SHISAL2A: variants seen among roughly 807,000 people sequenced by gnomAD.
The protein encoded by SHISAL2A is shisa like 2A.
A neutral mutation model predicts 11.5 loss-of-function variants in SHISAL2A; 18 were observed. The ratio of observed to expected loss-of-function variants is 1.57; its 90% confidence interval spans 1.08 to 2.33. SHISAL2A has a LOEUF of 2.33. Ranked by LOEUF, SHISAL2A falls within the 30% of genes most tolerant of loss-of-function variation. The probability of loss-of-function intolerance (pLI) is 0.00; values close to 1 mark genes in which losing one functional copy is unlikely to be tolerated. For missense variants in SHISAL2A, 261 were observed against 250.9 expected (o/e 1.04, Z -0.27); for synonymous variants, 94 against 99.6 (o/e 0.94, Z 0.34).
chr1:52,652,079 T>G (rs556320467), intron 2 of SHISAL2A, among the ~76,000 whole-genome samples: 23 of 152,184 alleles, frequency 1.5e-4, no homozygotes, highest in South Asian at 2.1e-4. Flanking sequence ...TGAGATGGAC[T>G]TTGACCAATC....
intron 1 of SHISAL2A, among the ~76,000 whole-genome samples, chr1:52,638,523 G>A (rs1691288145): frequency 6.6e-6 from 1 of 152,228 alleles, no homozygotes; most frequent in South Asian, 2.1e-4. Flanking sequence ...GTAATCCAGT[G>A]TCTAAGCTTG....
chr1:52,649,185 G>A (rs1362100810), intron 2 of SHISAL2A, among the ~76,000 whole-genome samples: 2 of 152,072 alleles, frequency 1.3e-5, no homozygotes, highest in Non-Finnish European at 2.9e-5. Context: ...ATGGTTACAG[G>A]CCCACTCTCT....
downstream of SHISAL2A, among the ~76,000 whole-genome samples, chr1:52,661,745 A>T (rs1405419888): frequency 3.9e-5 from 6 of 152,104 alleles, no homozygotes; most frequent in Non-Finnish European, 7.4e-5. Flanking sequence ...CTTAGAATAG[A>T]ATACGGCCGG....
chr1:52,642,772 G>A, intron 1 of SHISAL2A, 91 bp from the exon 2 acceptor site: 1 of 1,295,860 alleles, frequency 7.7e-7, no homozygotes. Flanking sequence ...TTCCCAGCAG[G>A]CTCATTCTAG....
At position 52,662,750 on chromosome 1, in the gene SHISAL2A, C is replaced by T. The variant is rs564343868; in HGVS notation, n.695+3170C>T. ...CAGCCATAGTCCGCTAACCAACAGA[C>T]TATCTTTTGTGTGCCAGGTCTTGTC... On this transcript the variant is annotated intron_variant and non_coding_transcript_variant, in intron 4 of 5. Coordinates refer to the SHISAL2A transcript ENST00000401050. 3.3e-5 allele frequency among the ~76,000 whole-genome samples: 5 copies of T among 152,226 alleles called. No individual in the cohort carries two copies. The South Asian group carries it at 1.0e-3, about 32-fold the overall frequency.
intron 4 of SHISAL2A, among the ~76,000 whole-genome samples, chr1:52,662,159 AG>A (rs1259262140): frequency 4.6e-5 from 7 of 152,172 alleles, no homozygotes; most frequent in African/African-American, 1.7e-4. Context: ...ACAAATGCCA[AG>A]ATGTGGGGTA....
intron 1 of SHISAL2A, among the ~76,000 whole-genome samples, chr1:52,635,208 T>A (rs546662): frequency 0.15 from 23,258 of 152,210 alleles, 1,891 homozygotes; most frequent in African/African-American, 0.19. Flanking sequence ...TACAATGGTA[T>A]TCACTTGACA....
intron 2 of SHISAL2A, among the ~76,000 whole-genome samples, chr1:52,650,285 G>A (rs1172271338): frequency 6.6e-6 from 1 of 152,210 alleles, no homozygotes; most frequent in Non-Finnish European, 1.5e-5. Context: ...CCATGTTCAG[G>A]GTTGAGAACC....
rs758716484 is a variant in SHISAL2A, at chr1:52,656,999, G to A, written c.532G>A (p.Ala178Thr). The change falls in exon 3 of 3, where the codon GCC becomes ACC. Residue 178 changes from alanine (A) to threonine (T), a missense_variant. Physicochemically the swap from Ala to Thr is moderately conservative, Grantham distance 58. Transcript: ENST00000517870. Reference protein sequence around the residue: ...TSDIPGSPEEASVPNPDLCGP... With the variant: ...TSDIPGSPEETSVPNPDLCGP... ...TGACATTCCAGGCAGCCCTGAGGAA[G>A]CCTCTGTACCCAACCCTGACCTATG... The A allele has an allele frequency of 1.2e-6, 2 of 1,613,970 alleles. No individual in the cohort carries two copies. Among genetic ancestry groups the A allele is most frequent in the Non-Finnish European group, 8.5e-7 (1 of 1,179,910 alleles).
At chr1:52,635,781 A>C (rs1691224407) in intron 1 of SHISAL2A, among the ~76,000 whole-genome samples, 1 of 152,226 alleles carries the variant, frequency 6.6e-6, no homozygotes, top group Non-Finnish European at 1.5e-5. Flanking sequence ...AGTTTTAGGA[A>C]GGGGCTGTTA....
chr1:52,638,815 A>C (rs1362405179), intron 1 of SHISAL2A, among the ~76,000 whole-genome samples: 1 of 152,208 alleles, frequency 6.6e-6, no homozygotes, highest in Non-Finnish European at 1.5e-5. Flanking sequence ...GGGGTAAGGA[A>C]GGTATTGATT....
intron 2 of SHISAL2A, among the ~76,000 whole-genome samples, chr1:52,649,446 G>A (rs1474342771): frequency 6.6e-6 from 1 of 152,172 alleles, no homozygotes; most frequent in African/African-American, 2.4e-5. Flanking sequence ...TGGAGGCAAG[G>A]GTGGGGTGGG....
In SHISAL2A at chr1:52,652,834, C is replaced by T. The variant is rs185155956; in HGVS notation, c.323-3956C>T. On this transcript the variant is annotated intron_variant, in intron 2 of 2. Coordinates refer to ENST00000517870, the MANE Select transcript of SHISAL2A (RefSeq NM_001042693.3). ...CAACAAAATTAGCCGGGCTTGGTGG[C>T]GGGCACCTGTAATCCCAGCTACTCG... Among the ~76,000 whole-genome samples, 396 of 151,172 alleles carry T rather than the reference C, an allele frequency of 2.6e-3. 2 individuals are homozygous for T. The highest frequency in any genetic ancestry group is 8.9e-3 in the African/African-American group (366 of 41,176).
chr1:52,633,400 C>A lies in SHISAL2A; in HGVS notation c.-94C>A. 8.7e-7 allele frequency: 1 copy of A among 1,150,224 alleles called. No homozygotes were observed. The highest frequency in any genetic ancestry group is 1.2e-6 in the Non-Finnish European group (1 of 862,860). The allele number at this position is 1,150,224 out of a possible 1,614,324, so 71.3% of individuals were successfully genotyped here. A position where few individuals can be genotyped will look rare whatever the true frequency, so the allele number is the denominator to read the frequency against. On this transcript the variant is annotated 5_prime_UTR_variant, in exon 1 of 3. Transcript: ENST00000517870. This position sits in a 1 kb window ranked among gnomAD's most constrained non-coding sequence, Gnocchi z 6.4. ...TCTCTTCGTCTCTGCCGTTCTCAGGCTCAGCTCCGTCTCGCTCGGTCCCTC... is the reference window on the plus strand; with the variant it reads ...TCTCTTCGTCTCTGCCGTTCTCAGGATCAGCTCCGTCTCGCTCGGTCCCTC...
downstream of SHISAL2A, among the ~76,000 whole-genome samples, chr1:52,661,300 C>A (rs1209840093): frequency 2.0e-5 from 3 of 152,234 alleles, no homozygotes; most frequent in Non-Finnish European, 4.4e-5. Flanking sequence ...GTGAAATTTG[C>A]CATTCAGGAT....
chr1:52,645,327 G>A (rs1349924957), intron 2 of SHISAL2A, among the ~76,000 whole-genome samples: 3 of 152,206 alleles, frequency 2.0e-5, no homozygotes, highest in African/African-American at 7.2e-5. Flanking sequence ...AGAGGCAGTG[G>A]CAGGGGAAAA....
intron 4 of SHISAL2A, among the ~76,000 whole-genome samples, chr1:52,664,915 A>C (rs1303980771): frequency 6.6e-6 from 1 of 152,112 alleles, no homozygotes; most frequent in East Asian, 1.9e-4. Context: ...CAGCCTTCTG[A>C]GTAGTTGGGA....
downstream of SHISAL2A, chr1:52,659,673 G>A (rs954572933): frequency 2.6e-5 from 4 of 152,432 alleles, no homozygotes; most frequent in Non-Finnish European, 4.4e-5. Flanking sequence ...CAAGTTATTT[G>A]TTATAGAAAG....
intron 4 of SHISAL2A, among the ~76,000 whole-genome samples, chr1:52,664,598 T>G (rs1691974447): frequency 6.6e-6 from 1 of 152,210 alleles, no homozygotes; most frequent in South Asian, 2.1e-4. Context: ...CCTCAGGTGA[T>G]CTGCCCGCCT....
Sources: allele counts gnomAD v4.1 joint callset (sites outside exome capture counted in the v4.1 genomes callset), GRCh38; gene constraint gnomAD v4.1.1; non-coding constraint Gnocchi (gnomAD v3.1); transcripts MANE v1.5; gene names NCBI Gene and HGNC (gene_info 2026-07-23, HGNC 2026-07-21).